Variants in STK26 observed in about 807,000 individuals in gnomAD.
STK26 encodes the protein serine/threonine-protein kinase 26.
In STK26, 14 loss-of-function variants were observed where a neutral mutation model predicts 34.7. The ratio of observed to expected loss-of-function variants is 0.40; its 90% CI spans 0.27 to 0.63. STK26 has a LOEUF of 0.63. Among genes scored for constraint, STK26 ranks in the 30% least tolerant of loss-of-function variants. The pLI, the probability that STK26 is intolerant of heterozygous loss-of-function variation, is 0.38. For synonymous variants in STK26, 100 were observed against 109.8 expected, an observed-to-expected ratio of 0.91 and a Z score of 0.56; for missense variants, 226 against 309.1, an observed-to-expected ratio of 0.73 and a Z score of 2.02.
intron 2 of STK26, among the ~76,000 whole-genome samples, chrX:132,023,965 G>C (rs1423744867): frequency 9.0e-6 from 1 of 111,536 alleles, no homozygotes; most frequent in Non-Finnish European, 1.9e-5. Context: ...GGCACGGTTG[G>C]GGATGGGGGG....
At chrX:132,025,299 G>C (rs1157792759) in intron 2 of STK26, among the ~76,000 whole-genome samples, 4 of 111,941 alleles carry the variant, frequency 3.6e-5, no homozygotes, top group Non-Finnish European at 7.5e-5. Context: ...GCGTGTGTGC[G>C]TCAGCAGAGT....
chrX:132,044,190 A>G (rs1195734244), intron 2 of STK26, among the ~76,000 whole-genome samples: 1 of 111,694 alleles, frequency 9.0e-6, no homozygotes, highest in East Asian at 2.8e-4. Context: ...CTGTGAGGAT[A>G]GCTGGCACTG....
intron 2 of STK26, among the ~76,000 whole-genome samples, chrX:132,042,489 A>G (rs1030253617): frequency 3.6e-5 from 4 of 111,061 alleles, no homozygotes; most frequent in East Asian, 2.8e-4. Flanking sequence ...TTCTTAGGTT[A>G]GGTTTTCAGG....
rs1187930153 is a variant in STK26, at chrX:132,068,488, A to G, written c.516A>G (p.Thr172=). ...GAGTTGCTGGTCAGCTGACAGATAC[A>G]CAGATTAAAAGAAATACCTTTGTGG... ...DFGVAGQLTD[T]QIKRNTFVGT... Residue 172 remains threonine (T), a synonymous_variant, in exon 6 of 12, where the codon ACA becomes ACG. Coordinates refer to ENST00000394334, the MANE Select transcript of STK26 (RefSeq NM_016542.4). The G allele has an allele frequency of 5.0e-6, 6 of 1,209,150 alleles. No individual in the cohort carries two copies. The African/African-American group carries it at 7.0e-5, about 14-fold the overall frequency.
Position 132,044,627 on chromosome X carries a change from TTCTCTCTCTC to T in STK26, c.43-9975_43-9966del, listed in dbSNP as rs202173059. ...AACTTAGTTTCACTGGATGTTCAAA[TTCTCTCTCTC>T]TCTCTCTCTCTCTCTCTCTCTCTCT... On this transcript the variant is annotated intron_variant, in intron 2 of 11. Transcript: ENST00000394334. Among the ~76,000 whole-genome samples, 50 of 43,101 alleles carry T rather than the reference TTCTCTCTCTC, an allele frequency of 1.2e-3. 1 individual carries two copies. The highest frequency in any genetic ancestry group is 2.0e-3 in the East Asian group (3 of 1,533). 37.4% of individuals were successfully genotyped at this position (43,101 alleles called of 115,157 possible). A position where few individuals can be genotyped will look rare whatever the true frequency, so the allele number is the denominator to read the frequency against.
intron 2 of STK26, among the ~76,000 whole-genome samples, chrX:132,030,363 C>G (rs992491666): frequency 2.7e-5 from 3 of 110,181 alleles, no homozygotes; most frequent in African/African-American, 6.6e-5. Flanking sequence ...TCAGGGTCCT[C>G]TCACTGGTGA....
intron 2 of STK26, among the ~76,000 whole-genome samples, chrX:132,050,734 CT>C (rs1926658450): frequency 8.9e-6 from 1 of 111,794 alleles, no homozygotes; most frequent in African/African-American, 3.3e-5. Flanking sequence ...CCAAAGTCCT[CT>C]TAGTTTTACT....
At chrX:132,025,080 CCA>C (rs761519863) in intron 2 of STK26, among the ~76,000 whole-genome samples, 138 of 111,432 alleles carry the variant, frequency 1.2e-3, no homozygotes, top group Non-Finnish European at 2.0e-3. Flanking sequence ...GCACCCTGCC[CCA>C]CACCCCATTC....
chrX:132,026,451 A>C (rs1935102285), intron 2 of STK26, among the ~76,000 whole-genome samples: 2 of 111,901 alleles, frequency 1.8e-5, no homozygotes, highest in Non-Finnish European at 3.8e-5. Flanking sequence ...TAACTAGAGG[A>C]ATTTTCCATA....
intron 2 of STK26, among the ~76,000 whole-genome samples, chrX:132,048,921 C>T (rs1350675679): frequency 8.9e-6 from 1 of 112,213 alleles, no homozygotes; most frequent in African/African-American, 3.2e-5. Flanking sequence ...TTCTCGAACT[C>T]AGCACTGGTA....
chrX:132,061,421 C>T (rs768498610), intron 3 of STK26, among the ~76,000 whole-genome samples: 1 of 111,833 alleles, frequency 8.9e-6, no homozygotes, highest in Non-Finnish European at 1.9e-5. Flanking sequence ...ACTCCTCTTC[C>T]CTCACCAGTA....
chrX:132,034,292 C>CTTTTTTTTT (rs561602079), intron 2 of STK26, among the ~76,000 whole-genome samples: 555 of 41,369 alleles, frequency 0.013, 81 homozygotes, highest in East Asian at 0.021. Context: ...GACATTTATT[C>CTTTTTTTTT]TTTTTTTTTT....
At chrX:132,051,290 G>C (rs1926681027) in intron 2 of STK26, among the ~76,000 whole-genome samples, 1 of 111,757 alleles carries the variant, frequency 8.9e-6, no homozygotes, top group Admixed American at 9.5e-5. Flanking sequence ...ATTTCTAACA[G>C]TGTACTTATA....
intron 2 of STK26, among the ~76,000 whole-genome samples, chrX:132,044,777 A>C (rs777395701): frequency 5.6e-4 from 23 of 40,810 alleles, no homozygotes; most frequent in South Asian, 1.1e-3. Context: ...AGAGAGATCT[A>C]TATATATATT....
At chrX:132,061,336 A>G (rs1157169289) in intron 3 of STK26, among the ~76,000 whole-genome samples, 1 of 112,317 alleles carries the variant, frequency 8.9e-6, no homozygotes, top group Non-Finnish European at 1.9e-5. Flanking sequence ...ATAAAGGTAC[A>G]TCAGAGTCAC....
chrX:132,038,809 C>T (rs1394165686), intron 2 of STK26, among the ~76,000 whole-genome samples: 1 of 110,871 alleles, frequency 9.0e-6, no homozygotes, highest in Admixed American at 9.6e-5. Flanking sequence ...CATTTCAAGG[C>T]TGAGTAGCAT....
chrX:132,047,059 A>T (rs933413172), intron 2 of STK26, among the ~76,000 whole-genome samples: 19 of 112,329 alleles, frequency 1.7e-4, no homozygotes, highest in Non-Finnish European at 2.6e-4. Flanking sequence ...TTTAACCTGA[A>T]GCCAAATTCT....
At chrX:132,043,582 C>G (rs1412839829) in intron 2 of STK26, among the ~76,000 whole-genome samples, 1 of 111,493 alleles carries the variant, frequency 9.0e-6, no homozygotes, top group South Asian at 3.7e-4. Context: ...AACATTAATG[C>G]TCCTGGTTAA....
At chrX:132,047,409 T>A (rs771747220) in intron 2 of STK26, among the ~76,000 whole-genome samples, 4 of 112,148 alleles carry the variant, frequency 3.6e-5, no homozygotes, top group Non-Finnish European at 7.5e-5. Context: ...CAATTGATGC[T>A]AAATGTTGTT....
Sources: allele counts gnomAD v4.1 joint callset (sites outside exome capture counted in the v4.1 genomes callset), GRCh38; gene constraint gnomAD v4.1.1; transcripts MANE v1.5; gene names NCBI Gene and HGNC (gene_info 2026-07-23, HGNC 2026-07-21).